STK33: variants seen among roughly 807,000 people sequenced by gnomAD.
STK33 encodes serine/threonine kinase 33.
In STK33, 52 loss-of-function variants were observed where a neutral mutation model predicts 58.0. That is an observed-to-expected ratio of 0.90 (90% CI 0.72 to 1.13). The LOEUF (loss-of-function observed/expected upper bound fraction) is 1.13. Among genes scored for constraint, STK33 ranks in the 50% most tolerant of loss-of-function variants. STK33 has a pLI of 0.00. For synonymous variants in STK33, 215 were observed against 200.1 expected (o/e 1.07, Z -0.63); for missense variants, 630 against 604.2 (o/e 1.04, Z -0.45).
chr11:8,426,105 G>A (rs1942704175), intron 14 of STK33, among the ~76,000 whole-genome samples: 2 of 152,202 alleles, frequency 1.3e-5, no homozygotes, highest in Admixed American at 1.3e-4. Context: ...TTGGTGTACT[G>A]GAAGAATCTG....
chr11:8,443,679 T>C (rs1364138956), intron 11 of STK33, among the ~76,000 whole-genome samples: 2 of 149,580 alleles, frequency 1.3e-5, no homozygotes, highest in Non-Finnish European at 3.0e-5. Flanking sequence ...TGATAATAAA[T>C]ATGTATTCAA....
At chr11:8,361,041 G>A in the STK33 span, among the ~76,000 whole-genome samples, 1 of 152,246 alleles carries the variant, frequency 6.6e-6, no homozygotes, top group South Asian at 2.1e-4. The surrounding 1 kb of genome is among the most constrained non-coding windows in gnomAD (Gnocchi z 4.8). Context: ...TTACAATTCT[G>A]CCTACCACAT....
intron 1 of STK33, among the ~76,000 whole-genome samples, chr11:8,526,771 A>C (rs1299897308): frequency 2.6e-5 from 4 of 151,914 alleles, no homozygotes; most frequent in Non-Finnish European, 5.9e-5. Flanking sequence ...ACACACACAA[A>C]AAGAAAATAA....
At chr11:8,447,061 T>C (rs1039556367) in intron 11 of STK33, among the ~76,000 whole-genome samples, 2 of 152,164 alleles carry the variant, frequency 1.3e-5, no homozygotes, top group Admixed American at 1.3e-4. Context: ...GTTTTTGCAA[T>C]CTTTCCATCT....
intron 9 of STK33, among the ~76,000 whole-genome samples, chr11:8,456,030 G>C (rs1427624823): frequency 2.0e-5 from 3 of 151,830 alleles, no homozygotes; most frequent in Non-Finnish European, 4.4e-5. Flanking sequence ...TTTTATCCTT[G>C]CCAGGGCAGA....
At chr11:8,491,636 T>A (rs951560681) in intron 1 of STK33, among the ~76,000 whole-genome samples, 1 of 152,074 alleles carries the variant, frequency 6.6e-6, no homozygotes, top group Non-Finnish European at 1.5e-5. Flanking sequence ...CCAAGACACA[T>A]AATTGTCAGA....
At chr11:8,390,458 A>C (rs1307634032), downstream of STK33, among the ~76,000 whole-genome samples, 2 of 152,232 alleles carry the variant, frequency 1.3e-5, no homozygotes, top group East Asian at 1.9e-4. Flanking sequence ...TGGAGGAAGG[A>C]AGGCCATATA....
At chr11:8,441,701 C>G (rs1425865862) in intron 11 of STK33, among the ~76,000 whole-genome samples, 1 of 151,608 alleles carries the variant, frequency 6.6e-6, no homozygotes, top group Admixed American at 6.6e-5. Context: ...AGGAACATGT[C>G]TATTGTACCT....
intron 1 of STK33, among the ~76,000 whole-genome samples, chr11:8,529,940 G>A (rs187525509): frequency 1.3e-3 from 197 of 152,310 alleles, no homozygotes; most frequent in Non-Finnish European, 2.3e-3. Flanking sequence ...AGTTACGTGA[G>A]CAAGAGAAAA....
At chr11:8,480,277 G>A (rs1304987611) in intron 2 of STK33, among the ~76,000 whole-genome samples, 133 bp downstream of exon 2, 1 of 152,172 alleles carries the variant, frequency 6.6e-6, no homozygotes, top group African/African-American at 2.4e-5. Flanking sequence ...GGAAGCAATG[G>A]GGGAATTTAA....
rs532862845 is a variant in STK33, at chr11:8,580,170, G to A, written c.-466+13913C>T. ...ATGGAAGAAATATTTGCAATCCCAT[G>A]TTTGCTGCAGTACTATTCACAATAG... is the stretch of plus-strand genomic sequence containing the variant. On this transcript the variant is annotated intron_variant, in intron 1 of 15. Coordinates refer to ENST00000687296, the MANE Select transcript of STK33 (RefSeq NM_001352389.2). 1.5e-4 allele frequency among the ~76,000 whole-genome samples: 23 copies of A among 152,248 alleles called. No individual in the cohort carries two copies. The East Asian group carries it at 4.4e-3, about 29-fold the overall frequency.
At chr11:8,468,125 C>A (rs1454099924) in intron 6 of STK33, among the ~76,000 whole-genome samples, 1 of 152,138 alleles carries the variant, frequency 6.6e-6, no homozygotes, top group Non-Finnish European at 1.5e-5. Flanking sequence ...GGAGGCCTCA[C>A]AATCATGGCA....
At chr11:8,429,524 A>G (rs1943161040) in intron 14 of STK33, among the ~76,000 whole-genome samples, 1 of 151,984 alleles carries the variant, frequency 6.6e-6, no homozygotes, top group African/African-American at 2.4e-5. Flanking sequence ...TTTCTTTCTC[A>G]GGTCTTCTTT....
chr11:8,512,084 A>G (rs1399599173), intron 1 of STK33, among the ~76,000 whole-genome samples: 2 of 151,774 alleles, frequency 1.3e-5, no homozygotes, highest in Non-Finnish European at 2.9e-5. Flanking sequence ...ATCTTCTTTA[A>G]GTAGATTATG....
At chr11:8,415,010 T>A (rs1335192673) in intron 14 of STK33, among the ~76,000 whole-genome samples, 1 of 152,070 alleles carries the variant, frequency 6.6e-6, no homozygotes, top group Non-Finnish European at 1.5e-5. Context: ...GAATGGTAGA[T>A]AGTCTCAGAG....
At chr11:8,347,689 C>G in the STK33 span, among the ~76,000 whole-genome samples, 1 of 152,210 alleles carries the variant, frequency 6.6e-6, no homozygotes, top group Non-Finnish European at 1.5e-5. Context: ...CACCATTGAG[C>G]CAGAAGCTCA....
At chr11:8,447,711 C>G (rs1945690305) in intron 11 of STK33, among the ~76,000 whole-genome samples, 2 of 152,328 alleles carry the variant, frequency 1.3e-5, no homozygotes, top group African/African-American at 2.4e-5. Flanking sequence ...GAAGCATTCC[C>G]TTTGAAAAAT....
chr11:8,509,509 T>A (rs548983835), intron 1 of STK33, among the ~76,000 whole-genome samples: 18 of 152,308 alleles, frequency 1.2e-4, no homozygotes, highest in African/African-American at 4.1e-4. Flanking sequence ...TGTTACAAAA[T>A]AGTACATTTT....
intron 1 of STK33, among the ~76,000 whole-genome samples, chr11:8,536,948 A>AC (rs1334389348): frequency 2.5e-4 from 15 of 59,450 alleles, no homozygotes; most frequent in African/African-American, 4.3e-4. Flanking sequence ...TACCCAGCTA[A>AC]TTAAAAAAAA....
Sources: gnomAD v4.1 joint callset for allele counts (sites outside exome capture counted in the v4.1 genomes callset) on GRCh38, gnomAD v4.1.1 for gene constraint, Gnocchi (gnomAD v3.1) non-coding constraint, MANE v1.5 for transcripts, NCBI Gene and HGNC (gene_info 2026-07-23, HGNC 2026-07-21) for gene names.